Variants in RBM48 observed in about 807,000 individuals in gnomAD.
RBM48 encodes RNA binding motif protein 48, also known as RNA-binding protein 48.
RBM48 carries 32 observed loss-of-function variants against 34.8 expected under a neutral mutation model. The observed-to-expected ratio is 0.92, with a 90% CI of 0.69 to 1.23. The LOEUF (loss-of-function observed/expected upper bound fraction) is 1.23, where lower values mean the gene tolerates loss of function less well. Ranked by LOEUF, RBM48 falls within the 50% of genes most tolerant of loss-of-function variation. The pLI is 0.00. For missense variants in RBM48, 441 were observed against 447.2 expected (o/e 0.99, Z 0.12); for synonymous variants, 151 against 156.2 (o/e 0.97, Z 0.25).
Position 92,529,666 on chromosome 7 carries a change from G to C in RBM48, c.302G>C (p.Arg101Thr). 1 of 1,526,134 alleles carries C rather than the reference G, an allele frequency of 6.6e-7. No homozygotes were observed. Among genetic ancestry groups the C allele is most frequent in the East Asian group, 2.3e-5 (1 of 43,194 alleles). The allele number at this position is 1,526,134 out of a possible 1,614,324, so 94.5% of individuals were successfully genotyped here. ...AAATTTATGAACTTACAAAGTGCAA[G>C]GTAATGTGCAAGTTAAGAAATGACT... ...LIKFMNLQSA[R>T]TAKRKMDEQS... Residue 101 changes from arginine to threonine, a missense_variant and splice_region_variant, in exon 2 of 5, where the codon AGG (arginine) becomes ACG (threonine). Physicochemically the swap from Arg to Thr is moderately conservative, Grantham distance 71. Coordinates refer to ENST00000265732, the MANE Select transcript of RBM48 (RefSeq NM_032120.4).
Position 92,537,657 on chromosome 7 carries a change from C to G in RBM48, c.*720C>G, listed in dbSNP as rs1223908361. 6.6e-6 allele frequency: 1 copy of G among 152,140 alleles called. No homozygotes were observed. The highest frequency in any genetic ancestry group is 1.9e-4 in the East Asian group (1 of 5,194). 9.4% of individuals were successfully genotyped at this position (152,140 alleles called of 1,614,324 possible). Reference sequence around the variant, plus strand: ...TATTAGAACAAAGCTGAAATTAGAACCTTATATGCTTTAAATAACTTTTAA... The same window carrying G: ...TATTAGAACAAAGCTGAAATTAGAAGCTTATATGCTTTAAATAACTTTTAA... On this transcript the variant is annotated 3_prime_UTR_variant, in exon 5 of 5. Transcript: ENST00000265732.
chr7:92,535,338 C>T (rs2067489719), intron 4 of RBM48: 1 of 1,137,134 alleles, frequency 8.8e-7, no homozygotes, highest in Non-Finnish European at 1.1e-6. Context: ...TAAATTATTT[C>T]TCTCAAATTT....
Position 92,539,496 on chromosome 7 carries a change from G to C in RBM48, c.*2559G>C, listed in dbSNP as rs1793808515. Among the ~76,000 whole-genome samples the C allele has an allele frequency of 6.6e-6, 1 of 152,206 alleles. No homozygotes were observed. The highest frequency in any genetic ancestry group is 1.5e-5 in the Non-Finnish European group (1 of 68,038). The stretch of plus-strand genomic sequence containing the variant: ...GTGGGAGGATCACCTGAGGTCAGGA[G>C]TTCAAGGCCAGCCTGGCCAACATGA... On this transcript the variant is annotated 3_prime_UTR_variant, in exon 5 of 5. Coordinates refer to ENST00000265732, the MANE Select transcript of RBM48 (RefSeq NM_032120.4).
At chr7:92,532,974 G>T (rs1178415970) in intron 3 of RBM48, among the ~76,000 whole-genome samples, 1 of 152,250 alleles carries the variant, frequency 6.6e-6, no homozygotes, top group Non-Finnish European at 1.5e-5. Context: ...GGAGGGCCTT[G>T]TGTCCCATGC....
At chr7:92,535,864 G>A (rs1053429776) in intron 4 of RBM48, 5 of 971,074 alleles carry the variant, frequency 5.1e-6, no homozygotes, top group Non-Finnish European at 6.1e-6. Flanking sequence ...GCTGGGCCCA[G>A]TGCCTCACAC....
chr7:92,532,484 T>C lies in RBM48; in HGVS notation c.383T>C (p.Val128Ala), dbSNP rs1205272838. The change falls in exon 3 of 5, where the codon GTT (valine) becomes GCT (alanine). Residue 128 changes from valine (V) to alanine (A), a missense_variant. Coordinates refer to ENST00000265732, the MANE Select transcript of RBM48 (RefSeq NM_032120.4). ...TGCTATGCTCCAGAATTTGAAACAG[T>C]TGAAGAAACTAGAAAAAAACTACAA... ...HVCYAPEFET[V>A]EETRKKLQMR... 1 of 1,612,696 alleles carries C rather than the reference T, an allele frequency of 6.2e-7. No individual in the cohort carries two copies. The highest frequency in any genetic ancestry group is 2.2e-5 in the East Asian group (1 of 44,866).
At position 92,528,997 on chromosome 7, in the gene RBM48, C is replaced by G. The variant is rs145699055; in HGVS notation, c.111+73C>G. ...GTGCTAGCGCCATATGACCAGCCTA[C>G]GGAAATAAAGGCACGACAAGGCTTC... On this transcript the variant is annotated intron_variant, in intron 1 of 4. Transcript: ENST00000265732. The G allele has an allele frequency of 6.4e-4, 720 of 1,127,370 alleles. 2 individuals are homozygous for G. The African/African-American group carries it at 9.0e-3, about 14-fold the overall frequency. The allele number at this position is 1,127,370 out of a possible 1,614,324, so 69.8% of individuals were successfully genotyped here.
rs1489465622 is a variant in RBM48 at position 92,538,599 on chromosome 7, G to A, written c.*1662G>A. On this transcript the variant is annotated 3_prime_UTR_variant, in exon 5 of 5. Coordinates refer to ENST00000265732, the MANE Select transcript of RBM48 (RefSeq NM_032120.4). ...GATACAGTTTTTGCTGAAATCTCAG[G>A]TAAAGGATATATTAGAGACCTAAGC... Among the ~76,000 whole-genome samples the A allele has an allele frequency of 6.6e-6, 1 of 152,162 alleles. No homozygotes were observed. Among genetic ancestry groups the A allele is most frequent in the Admixed American group, 6.5e-5 (1 of 15,274 alleles).
intron 3 of RBM48, among the ~76,000 whole-genome samples, chr7:92,533,967 TAAAAAAAAAAAA>T (rs768646005): frequency 1.2e-5 from 1 of 83,914 alleles, no homozygotes; most frequent in Non-Finnish European, 2.6e-5. Context: ...TCTGAAATTG[TAAAAAAAAAAAA>T]AAAAAAAAAA....
rs894664970 is a variant in RBM48 at position 92,538,015 on chromosome 7, GTGT to G, written c.*1083_*1085del. 6.6e-6 allele frequency: 1 copy of G among 152,176 alleles called. No homozygotes were observed. The highest frequency in any genetic ancestry group is 2.4e-5 in the African/African-American group (1 of 41,426). 9.4% of individuals were successfully genotyped at this position (152,176 alleles called of 1,614,324 possible). A position where few individuals can be genotyped will look rare whatever the true frequency, so the allele number is the denominator to read the frequency against. On this transcript the variant is annotated 3_prime_UTR_variant, in exon 5 of 5. Transcript: ENST00000265732. ...AACTTGAGAAGGTCCATACCGTGGT[GTGT>G]TGTTTTCATTTCTCCCTATCTTTAA...
In RBM48 at chr7:92,534,421, G is replaced by A. The variant is rs1428919224; in HGVS notation, c.468G>A (p.Lys156=). 1.2e-6 allele frequency: 2 copies of A among 1,610,690 alleles called. No individual in the cohort carries two copies. The highest frequency in any genetic ancestry group is 2.7e-5 in the African/African-American group (2 of 74,802). Residue 156 remains lysine, a synonymous_variant, in exon 4 of 5, where the codon AAG becomes AAA. Coordinates refer to ENST00000265732, the MANE Select transcript of RBM48 (RefSeq NM_032120.4). ...TENKDHYVTK[K]KLVTEHKDTE... ...ATAAAGACCATTACGTGACAAAGAAGAAATTGGTTACAGAGCATAAAGACA... is the reference window on the plus strand; with the variant it reads ...ATAAAGACCATTACGTGACAAAGAAAAAATTGGTTACAGAGCATAAAGACA...
chr7:92,540,399 A>G lies in RBM48; in HGVS notation c.*3462A>G, dbSNP rs1030835930. On this transcript the variant is annotated 3_prime_UTR_variant, in exon 5 of 5. Transcript: ENST00000265732. ...AGGAAGATGTTTCTTGGTAAATACTAGTTTTAAATTTTGCATGGCAAATAG... is the reference window on the plus strand; with the variant it reads ...AGGAAGATGTTTCTTGGTAAATACTGGTTTTAAATTTTGCATGGCAAATAG... 2.0e-5 allele frequency: 3 copies of G among 152,260 alleles called. No individual in the cohort carries two copies. The highest frequency in any genetic ancestry group is 2.1e-4 in the South Asian group (1 of 4,836). The allele number at this position is 152,260 out of a possible 1,614,324, so 9.4% of individuals were successfully genotyped here.
chr7:92,533,470 A>C (rs1262367471), intron 3 of RBM48, among the ~76,000 whole-genome samples: 1 of 152,238 alleles, frequency 6.6e-6, no homozygotes, highest in Non-Finnish European at 1.5e-5. Context: ...TCCAGAGTTT[A>C]CTTTTTAACT....
intron 4 of RBM48, chr7:92,535,621 G>A (rs1793692058): frequency 1.0e-6 from 1 of 984,938 alleles, no homozygotes; most frequent in Admixed American, 6.2e-5. Flanking sequence ...AGGGACTACT[G>A]TTACAAATCA....
intron 4 of RBM48, 185 bp from the exon 5 acceptor site, chr7:92,536,666 G>A (rs1793719803): frequency 1.6e-6 from 2 of 1,229,026 alleles, no homozygotes; most frequent in African/African-American, 3.1e-5. Flanking sequence ...ACTGTCATCA[G>A]TATTCAAATG....
At position 92,537,111 on chromosome 7, in the gene RBM48, C is replaced by T. The variant is rs1448955085; in HGVS notation, c.*174C>T. On this transcript the variant is annotated 3_prime_UTR_variant, in exon 5 of 5. Coordinates refer to ENST00000265732, the MANE Select transcript of RBM48 (RefSeq NM_032120.4). ...TTCTTTGTTTTTTGGGAGATGGAGT[C>T]TTGCTCTGTTGCCCAGGCTGGAATG... The T allele has an allele frequency of 2.0e-5, 10 of 490,130 alleles. No homozygotes were observed. Among genetic ancestry groups the T allele is most frequent in the Non-Finnish European group, 3.2e-5 (9 of 277,406 alleles). The allele number at this position is 490,130 out of a possible 1,614,324, so 30.4% of individuals were successfully genotyped here.
At chr7:92,535,342 C>G in intron 4 of RBM48, 1 of 1,132,206 alleles carries the variant, frequency 8.8e-7, no homozygotes, top group Non-Finnish European at 1.1e-6. Flanking sequence ...TTATTTCTCT[C>G]AAATTTAGAG....
rs906486579 is a variant in RBM48, at chr7:92,536,246, A to G, written c.1018-605A>G. 2.4e-5 allele frequency: 24 copies of G among 984,284 alleles called. No homozygotes were observed. The African/African-American group carries it at 3.0e-4, about 12-fold the overall frequency. 61.0% of individuals were successfully genotyped at this position (984,284 alleles called of 1,614,324 possible). A position where few individuals can be genotyped will look rare whatever the true frequency, so the allele number is the denominator to read the frequency against. The stretch of plus-strand genomic sequence containing the variant: ...TCAACCAGAGCTGATTACATTTTCA[A>G]GATAAACGTGTGAAGTCCAAATTCT... On this transcript the variant is annotated intron_variant, in intron 4 of 4. Coordinates refer to ENST00000265732, the MANE Select transcript of RBM48 (RefSeq NM_032120.4).
At position 92,534,005 on chromosome 7, in the gene RBM48, A is replaced by G. The variant is rs995781391; in HGVS notation, c.449-397A>G. 8.6e-5 allele frequency among the ~76,000 whole-genome samples: 13 copies of G among 150,644 alleles called. No homozygotes were observed. The South Asian group carries it at 2.5e-3, about 29-fold the overall frequency. Reference sequence around the variant, plus strand: ...AAAAAAAAAACCTTTCTATATAATGATGAAAAACCTCTGTAAGATCTACAG... The same window carrying G: ...AAAAAAAAAACCTTTCTATATAATGGTGAAAAACCTCTGTAAGATCTACAG... On this transcript the variant is annotated intron_variant, in intron 3 of 4. Transcript: ENST00000265732.
Sources: gnomAD v4.1 joint callset for allele counts (sites outside exome capture counted in the v4.1 genomes callset) on GRCh38, gnomAD v4.1.1 for gene constraint, MANE v1.5 for transcripts, NCBI Gene and HGNC (gene_info 2026-07-23, HGNC 2026-07-21) for gene names.